ARHGAP29: variants seen among roughly 807,000 people sequenced by gnomAD.
The protein encoded by ARHGAP29 is rho GTPase-activating protein 29.
A neutral mutation model predicts 122.6 loss-of-function variants in ARHGAP29; 43 were observed. The observed-to-expected ratio is 0.35, with a 90% CI of 0.27 to 0.45. The LOEUF is 0.45. ARHGAP29 is among the 20% of genes least tolerant of loss of function. The probability of loss-of-function intolerance (pLI) is 1.00; values close to 1 mark genes in which losing one functional copy is unlikely to be tolerated. For missense variants in ARHGAP29, 1,303 were observed against 1,477.2 expected, an observed-to-expected ratio of 0.88 and a Z score of 1.93; for synonymous variants, 506 against 497.1, an observed-to-expected ratio of 1.02 and a Z score of -0.24.
chr1:94,222,514 A>G (rs1404136566), intron 2 of ARHGAP29, among the ~76,000 whole-genome samples: 2 of 152,166 alleles, frequency 1.3e-5, no homozygotes, highest in African/African-American at 2.4e-5. Flanking sequence ...ATGAGGAGAA[A>G]AACGTCAGGC....
At chr1:94,306,384 C>A in the ARHGAP29 span, among the ~76,000 whole-genome samples, 1 of 152,270 alleles carries the variant, frequency 6.6e-6, no homozygotes, top group African/African-American at 2.4e-5. Flanking sequence ...CCCTCATGGC[C>A]GTGAACTTCA....
At chr1:94,185,954 T>C (rs1338543198) in intron 16 of ARHGAP29, among the ~76,000 whole-genome samples, 1 of 152,196 alleles carries the variant, frequency 6.6e-6, no homozygotes, top group African/African-American at 2.4e-5. Flanking sequence ...ATTAATATTA[T>C]ACTGGAGGTC....
rs374366709 is a variant in ARHGAP29, at chr1:94,203,091, A to T, written c.873+9T>A. 9 of 1,604,632 alleles carry T rather than the reference A, an allele frequency of 5.6e-6. No homozygotes were observed. Among genetic ancestry groups the T allele is most frequent in the Admixed American group, 1.7e-5 (1 of 58,234 alleles). On this transcript the variant is annotated intron_variant, in intron 9 of 22. Coordinates refer to ENST00000260526, the MANE Select transcript of ARHGAP29 (RefSeq NM_004815.4). The stretch of plus-strand genomic sequence containing the variant: ...TAAAAGTGCATTATACATATAAATT[A>T]ATCTTTACCTGCACAAATTTGTTAG...
chr1:94,197,601 A>T (rs1650554941), intron 12 of ARHGAP29, among the ~76,000 whole-genome samples: 1 of 152,200 alleles, frequency 6.6e-6, no homozygotes, highest in African/African-American at 2.4e-5. Context: ...GAAAAAGAAA[A>T]AATACTCAAC....
At chr1:94,270,789 G>A (rs1173453560) in intron 1 of ARHGAP29, among the ~76,000 whole-genome samples, 3 of 152,202 alleles carry the variant, frequency 2.0e-5, no homozygotes, top group African/African-American at 7.2e-5. Flanking sequence ...GAACTTGAAA[G>A]ACAACAAAGA....
intron 12 of ARHGAP29, among the ~76,000 whole-genome samples, chr1:94,196,551 G>A (rs546441445): frequency 1.1e-4 from 16 of 152,062 alleles, no homozygotes; most frequent in African/African-American, 3.9e-4. Context: ...GTGAGCCACC[G>A]CGCCCGGCCC....
chr1:94,299,488 C>T, the ARHGAP29 span, among the ~76,000 whole-genome samples: 4 of 152,062 alleles, frequency 2.6e-5, no homozygotes, highest in Non-Finnish European at 4.4e-5. Context: ...CTGACAAATG[C>T]GATAAACTTT....
At chr1:94,235,164 A>G (rs1653175744) in intron 1 of ARHGAP29, among the ~76,000 whole-genome samples, 1 of 152,190 alleles carries the variant, frequency 6.6e-6, no homozygotes, top group South Asian at 2.1e-4. Flanking sequence ...TTTGTTATAT[A>G]TTACTACTTT....
intron 1 of ARHGAP29, among the ~76,000 whole-genome samples, chr1:94,236,443 G>C (rs771688741): frequency 2.6e-5 from 4 of 152,162 alleles, no homozygotes; most frequent in Non-Finnish European, 4.4e-5. Flanking sequence ...ACAGCCGACG[G>C]TGGTAACGAC....
chr1:94,186,193 C>G (rs1483277245), intron 16 of ARHGAP29, among the ~76,000 whole-genome samples: 3 of 152,172 alleles, frequency 2.0e-5, no homozygotes, highest in African/African-American at 7.2e-5. Context: ...CCTTTTAACA[C>G]TAAGTCACAG....
chr1:94,284,430 T>C, the ARHGAP29 span, among the ~76,000 whole-genome samples: 1 of 152,174 alleles, frequency 6.6e-6, no homozygotes, highest in Non-Finnish European at 1.5e-5. Flanking sequence ...CATAGTGTAG[T>C]AGATTATATT....
intron 1 of ARHGAP29, among the ~76,000 whole-genome samples, chr1:94,267,314 A>G (rs991592823): frequency 1.3e-5 from 2 of 152,188 alleles, no homozygotes; most frequent in Non-Finnish European, 2.9e-5. Flanking sequence ...TTTGGTTTCC[A>G]AAGGCTACAG....
intron 2 of ARHGAP29, among the ~76,000 whole-genome samples, chr1:94,220,657 C>T (rs1295754208): frequency 1.3e-5 from 2 of 152,128 alleles, no homozygotes; most frequent in Admixed American, 6.6e-5. Context: ...TTTTCTCAAT[C>T]TTAATATGTG....
intron 15 of ARHGAP29, among the ~76,000 whole-genome samples, chr1:94,186,878 T>C (rs377164792): frequency 1.1e-4 from 17 of 152,162 alleles, no homozygotes; most frequent in African/African-American, 2.9e-4. Flanking sequence ...GTATTAGAGA[T>C]TGTAAACTCC....
intron 1 of ARHGAP29, among the ~76,000 whole-genome samples, chr1:94,252,020 A>G (rs1159570955): frequency 6.6e-6 from 1 of 152,238 alleles, no homozygotes; most frequent in East Asian, 1.9e-4. Context: ...GAATTCATCA[A>G]CGAATGAAAG....
At chr1:94,305,454 GTCAGGA>G in the ARHGAP29 span, among the ~76,000 whole-genome samples, 1 of 152,216 alleles carries the variant, frequency 6.6e-6, no homozygotes, top group African/African-American at 2.4e-5. Context: ...CAGAAGATGG[GTCAGGA>G]AACACAGGTA....
At chr1:94,227,128 AT>A (rs3838305) in intron 2 of ARHGAP29, among the ~76,000 whole-genome samples, 72,011 of 151,488 alleles carry the variant, frequency 0.48, 17,937 homozygotes, top group Middle Eastern at 0.65. Context: ...TAAACTTTTC[AT>A]TTAATGAAAA....
In ARHGAP29 at chr1:94,178,037, G is replaced by A; in HGVS notation, c.2611C>T (p.Gln871Ter). Residue 871 changes from glutamine (Q) to a stop codon, truncating the protein, a stop_gained, in exon 21 of 23, where the codon CAA becomes TAA. Coordinates refer to ENST00000260526, the MANE Select transcript of ARHGAP29 (RefSeq NM_004815.4). LOFTEE classifies it high-confidence loss of function. ...ATGAGAAACTCTACCAAGCGTGCTT[G>A]ATTTGAATACTCTGCAAGGGAGGAG... ...TISSLAEYSN[Q>*]ARLVEFLITY... is the part of the protein sequence containing the mutation. 6.2e-7 allele frequency: 1 copy of A among 1,614,182 alleles called. No individual in the cohort carries two copies. Among genetic ancestry groups the A allele is most frequent in the Non-Finnish European group, 8.5e-7 (1 of 1,180,032 alleles).
chr1:94,278,005 ATTG>A (rs1214380572), upstream of ARHGAP29, among the ~76,000 whole-genome samples: 10 of 152,304 alleles, frequency 6.6e-5, no homozygotes, highest in Admixed American at 3.3e-4. Context: ...TTGTTGGTAT[ATTG>A]GTCAGTTAAT....
Sources: gnomAD v4.1 joint callset for allele counts (sites outside exome capture counted in the v4.1 genomes callset) on GRCh38, gnomAD v4.1.1 for gene constraint, MANE v1.5 for transcripts, NCBI Gene and HGNC (gene_info 2026-07-23, HGNC 2026-07-21) for gene names.